TEX52: variants seen among roughly 807,000 people sequenced by gnomAD.
TEX52 encodes testis-expressed protein 52.
In TEX52, 22 loss-of-function variants were observed where a neutral mutation model predicts 17.6. The observed-to-expected ratio is 1.25, with a 90% CI of 0.89 to 1.78. The LOEUF is 1.78. Among genes scored for constraint, TEX52 ranks in the 40% most tolerant of loss-of-function variants. The probability of loss-of-function intolerance (pLI) is 0.00; values close to 1 mark genes in which losing one functional copy is unlikely to be tolerated. For synonymous variants in TEX52, 168 were observed against 147.4 expected, an observed-to-expected ratio of 1.14 and a Z score of -1.01; for missense variants, 396 against 372.3, an observed-to-expected ratio of 1.06 and a Z score of -0.52.
At chr12:2,853,462 G>A (rs546611002) in intron 2 of TEX52, among the ~76,000 whole-genome samples, 48 of 152,034 alleles carry the variant, frequency 3.2e-4, no homozygotes, top group South Asian at 1.9e-3. Context: ...TAGTAGAGAC[G>A]GGGTTTCACC....
chr12:2,855,511 G>A (rs1051116382), intron 1 of TEX52, 65 bp from the exon 2 acceptor site: 67 of 1,268,216 alleles, frequency 5.3e-5, no homozygotes, highest in Non-Finnish European at 6.4e-5. Flanking sequence ...AGGTGGGTGA[G>A]GCACTCCGCT....
At position 2,855,264 on chromosome 12, in the gene TEX52, C is replaced by A; in HGVS notation, c.255G>T (p.Trp85Cys). Residue 85 changes from tryptophan to cysteine, a missense_variant, in exon 2 of 3, where the codon TGG (tryptophan) becomes TGT (cysteine). By Grantham distance (215) the Trp-to-Cys change is radical (BLOSUM62 -2). Transcript: ENST00000637658. The stretch of plus-strand genomic sequence containing the variant: ...CCCAGGTGTGCTGGGCGCCACCCTT[C>A]CAAGGGTGGATGAGCCGCTGACGCA... ...SKVRQRLIHPWKGGAQHTWGF... is the reference protein window; with the variant it reads ...SKVRQRLIHPCKGGAQHTWGF... 1.3e-6 allele frequency: 2 copies of A among 1,514,016 alleles called. No individual in the cohort carries two copies. The highest frequency in any genetic ancestry group is 1.8e-6 in the Non-Finnish European group (2 of 1,131,248). 93.8% of individuals were successfully genotyped at this position (1,514,016 alleles called of 1,614,324 possible). A position where few individuals can be genotyped will look rare whatever the true frequency, so the allele number is the denominator to read the frequency against.
intron 2 of TEX52, among the ~76,000 whole-genome samples, chr12:2,853,594 T>G (rs2098078140): frequency 6.8e-6 from 1 of 147,916 alleles, no homozygotes. Flanking sequence ...TTGTTGTTGT[T>G]GTTTTTGTTT....
chr12:2,853,153 C>G (rs1266880746), intron 2 of TEX52, among the ~76,000 whole-genome samples: 1 of 152,152 alleles, frequency 6.6e-6, no homozygotes, highest in South Asian at 2.1e-4. Flanking sequence ...AAGTCTTTCT[C>G]CCCTTTGCCA....
At chr12:2,848,151 A>T (rs1425024344), downstream of TEX52, among the ~76,000 whole-genome samples, 2 of 152,208 alleles carry the variant, frequency 1.3e-5, no homozygotes, top group Non-Finnish European at 2.9e-5. Context: ...GAGCCCTGTG[A>T]TGTCTTGATT....
Position 2,855,083 on chromosome 12 carries a change from C to T in TEX52, c.436G>A (p.Gly146Arg), listed in dbSNP as rs1307963655. 2.0e-6 allele frequency: 3 copies of T among 1,536,018 alleles called. No homozygotes were observed. The highest frequency in any genetic ancestry group is 2.0e-5 in the Admixed American group (1 of 50,972). ...ATGAAGGTCAGGAAGCTGTTTTGCC[C>T]CATCCAGGAGGGAGGGGGGATGGGG... is the stretch of plus-strand genomic sequence containing the variant. ...EHPIPPPSWM[G>R]QNSFLTFIHC... Residue 146 changes from glycine (G) to arginine (R), a missense_variant, in exon 2 of 3, where the codon GGG (glycine) becomes AGG (arginine). Physicochemically the swap from Gly to Arg is moderately radical, Grantham distance 125. Transcript: ENST00000637658.
chr12:2,853,365 C>T (rs569367849), intron 2 of TEX52, among the ~76,000 whole-genome samples: 2 of 152,248 alleles, frequency 1.3e-5, no homozygotes, highest in Admixed American at 1.3e-4. Context: ...CTCCACCTCC[C>T]GGGTTCAAGT....
intron 2 of TEX52, among the ~76,000 whole-genome samples, chr12:2,851,401 G>T (rs2098070398): frequency 6.6e-6 from 1 of 152,144 alleles, no homozygotes; most frequent in Non-Finnish European, 1.5e-5. Context: ...GAGCACAGTG[G>T]CCATGATCTT....
intron 1 of TEX52, among the ~76,000 whole-genome samples, chr12:2,856,329 C>G (rs902064646): frequency 6.6e-6 from 1 of 152,102 alleles, no homozygotes; most frequent in Non-Finnish European, 1.5e-5. Flanking sequence ...AAAAATGTGC[C>G]TCTTTTAAAA....
intron 1 of TEX52, among the ~76,000 whole-genome samples, chr12:2,856,623 G>A (rs566502638): frequency 5.9e-5 from 9 of 152,242 alleles, no homozygotes; most frequent in South Asian, 2.1e-4. Flanking sequence ...TCGACCTCCC[G>A]AAGTGCTGGG....
rs1021818961 is a variant in TEX52 at position 2,849,613 on chromosome 12, C to T, written c.624-88G>A. 11 of 1,427,198 alleles carry T rather than the reference C, an allele frequency of 7.7e-6. No homozygotes were observed. The African/African-American group carries it at 8.5e-5, about 11-fold the overall frequency. 88.4% of individuals were successfully genotyped at this position (1,427,198 alleles called of 1,614,324 possible). On this transcript the variant is annotated intron_variant, in intron 2 of 2. Transcript: ENST00000637658. Reference sequence around the variant, plus strand: ...AGACGGGGAAGGGGAAGGGTGATGCCGCTGTCCACAAGCTAGTTAGCCATC... The same window carrying T: ...AGACGGGGAAGGGGAAGGGTGATGCTGCTGTCCACAAGCTAGTTAGCCATC...
intron 1 of TEX52, among the ~76,000 whole-genome samples, chr12:2,856,240 C>CCT (rs1049600703): frequency 1.4e-4 from 22 of 152,132 alleles, no homozygotes; most frequent in African/African-American, 5.1e-4. Flanking sequence ...GGACTTAAGC[C>CCT]CTCTGTCTGT....
At chr12:2,854,108 CT>C (rs2098079888) in intron 2 of TEX52, among the ~76,000 whole-genome samples, 1 of 152,230 alleles carries the variant, frequency 6.6e-6, no homozygotes, top group African/African-American at 2.4e-5. Flanking sequence ...TCACTGCAAC[CT>C]CCGCCTCCCA....
rs558469106 is a variant in TEX52, at chr12:2,856,948, C to T, written c.72+7G>A. The T allele has an allele frequency of 5.7e-6, 4 of 702,934 alleles. No homozygotes were observed. The highest frequency in any genetic ancestry group is 1.0e-5 in the Non-Finnish European group (4 of 385,010). 43.5% of individuals were successfully genotyped at this position (702,934 alleles called of 1,614,324 possible). On this transcript the variant is annotated splice_region_variant and intron_variant, in intron 1 of 2. Transcript: ENST00000637658. ...AAGGTAGGCGGCAGAGATGGGCCAC[C>T]CCCTACCTGCAGGAAAGGTTCTTCC...
rs936940717 is a variant in TEX52 at position 2,856,846 on chromosome 12, A to C, written c.72+109T>G. The stretch of plus-strand genomic sequence containing the variant: ...AAAAGGGGAAGACAGCAGAAAATGT[A>C]TGGGCCAGGCAGTCTGCTGCCCAGA... On this transcript the variant is annotated intron_variant, in intron 1 of 2. Transcript: ENST00000637658. The C allele has an allele frequency of 8.9e-6, 6 of 673,396 alleles. No homozygotes were observed. In the Admixed American group the frequency reaches 1.3e-4, roughly 15 times the overall value. 41.7% of individuals were successfully genotyped at this position (673,396 alleles called of 1,614,324 possible).
intron 2 of TEX52, among the ~76,000 whole-genome samples, chr12:2,850,683 G>C (rs1603488898): frequency 1.1e-5 from 1 of 93,420 alleles, no homozygotes; most frequent in African/African-American, 7.2e-5. Flanking sequence ...GTTTTGTTTT[G>C]TTTTGTTGAG....
downstream of TEX52, among the ~76,000 whole-genome samples, chr12:2,848,448 G>T (rs1268744216): frequency 1.3e-5 from 2 of 152,170 alleles, no homozygotes; most frequent in East Asian, 3.8e-4. Context: ...GAGGCCCAAG[G>T]CCTCTGGGCT....
At chr12:2,851,144 CAA>C (rs1216441549) in intron 2 of TEX52, among the ~76,000 whole-genome samples, 3 of 150,070 alleles carry the variant, frequency 2.0e-5, no homozygotes, top group South Asian at 2.1e-4. Context: ...GCCTGGGCGA[CAA>C]GAGCGAAACT....
intron 2 of TEX52, among the ~76,000 whole-genome samples, chr12:2,851,865 G>A (rs2098072192): frequency 6.6e-6 from 1 of 151,918 alleles, no homozygotes; most frequent in South Asian, 2.1e-4. Context: ...TTGTAGTAGA[G>A]AGAGGGTTTC....
Sources: allele counts gnomAD v4.1 joint callset (sites outside exome capture counted in the v4.1 genomes callset), GRCh38; gene constraint gnomAD v4.1.1; transcripts MANE v1.5; gene names NCBI Gene and HGNC (gene_info 2026-07-23, HGNC 2026-07-21).